The following UGT1A7 variants were observed in gnomAD, a reference collection of about 807,000 sequenced individuals.
The protein encoded by UGT1A7 is UDP glucuronosyltransferase family 1 member A7, also known as UDP-glucuronosyltransferase 1A7.
In UGT1A7, 33 loss-of-function variants were observed where a neutral mutation model predicts 45.6. The observed-to-expected ratio is 0.72, with a 90% confidence interval of 0.55 to 0.97. UGT1A7 has a LOEUF of 0.97. Ranked by LOEUF, UGT1A7 falls within the 50% of genes least tolerant of loss-of-function variation. The pLI is 0.00. For synonymous variants in UGT1A7, 274 were observed against 250.6 expected (o/e 1.09, Z -0.88); for missense variants, 684 against 666.2 (o/e 1.03, Z -0.29).
At chr2:233,747,990 G>C in intron 1 of UGT1A7, 1 of 1,613,472 alleles carries the variant, frequency 6.2e-7, no homozygotes, top group Non-Finnish European at 8.5e-7. Flanking sequence ...GTTCCGAGGG[G>C]ACTTTGTGAT....
intron 4 of UGT1A7, among the ~76,000 whole-genome samples, chr2:233,768,830 T>G (rs1378078075): frequency 6.6e-6 from 1 of 152,106 alleles, no homozygotes; most frequent in Non-Finnish European, 1.5e-5. Flanking sequence ...GTGATCCACC[T>G]GCCTCGGCCT....
rs28900377 is a variant in UGT1A7 at position 233,743,611 on chromosome 2, C to T, written c.856-23423C>T. The T allele has an allele frequency of 3.6e-3, 4,908 of 1,367,342 alleles. 268 individuals are homozygous for T. The African/African-American group carries it at 0.064, about 18-fold the overall frequency. The allele number at this position is 1,367,342 out of a possible 1,614,324, so 84.7% of individuals were successfully genotyped here. The stretch of plus-strand genomic sequence containing the variant: ...AGAATGGGTCCTGGCCGCCGAAGAA[C>T]TCCCTGAAGACGTCGGCTGGGTCGC... On this transcript the variant is annotated intron_variant, in intron 1 of 4. Transcript: ENST00000373426.
intron 1 of UGT1A7, chr2:233,743,573 A>C (rs765598613): frequency 7.3e-7 from 1 of 1,367,260 alleles, no homozygotes; most frequent in Non-Finnish European, 9.8e-7. Context: ...CGGGTTTCCC[A>C]AGAGGTCAAA....
chr2:233,748,180 G>T (rs1460619178), intron 1 of UGT1A7: 22 of 1,578,250 alleles, frequency 1.4e-5, no homozygotes, highest in Non-Finnish European at 1.9e-5. Flanking sequence ...TCTTTCTGGT[G>T]CTTTTATTTC....
At chr2:233,764,025 G>T (rs1387179659) in intron 1 of UGT1A7, among the ~76,000 whole-genome samples, 1 of 152,188 alleles carries the variant, frequency 6.6e-6, no homozygotes, top group Non-Finnish European at 1.5e-5. Flanking sequence ...TGGTGTCTAA[G>T]TGCTAAAGAA....
At chr2:233,726,664 T>G (rs2077549930) in intron 1 of UGT1A7, among the ~76,000 whole-genome samples, 1 of 152,168 alleles carries the variant, frequency 6.6e-6, no homozygotes, top group South Asian at 2.1e-4. Flanking sequence ...TTTAATCATA[T>G]CTGTGAAGTC....
chr2:233,747,362 G>A, intron 1 of UGT1A7: 1 of 1,603,780 alleles, frequency 6.2e-7, no homozygotes, highest in Non-Finnish European at 8.5e-7. Flanking sequence ...CCGTGCGGGA[G>A]CTCCATGCCA....
chr2:233,698,597 G>A (rs966031058), intron 1 of UGT1A7, among the ~76,000 whole-genome samples: 17 of 152,070 alleles, frequency 1.1e-4, no homozygotes, highest in African/African-American at 3.1e-4. Context: ...CAAGAAATTC[G>A]GATTAATAAA....
chr2:233,709,023 G>A (rs1369386629), intron 1 of UGT1A7, among the ~76,000 whole-genome samples: 2 of 152,070 alleles, frequency 1.3e-5, no homozygotes, highest in Non-Finnish European at 1.5e-5. Context: ...CCAAGCAGCA[G>A]GGGCTTCAGC....
intron 1 of UGT1A7, among the ~76,000 whole-genome samples, chr2:233,698,020 CA>C (rs1249680448): frequency 6.6e-6 from 1 of 151,888 alleles, no homozygotes; most frequent in African/African-American, 2.4e-5. Context: ...ACATTGGTAC[CA>C]ATTATCTTAT....
Position 233,712,920 on chromosome 2 carries a change from T to C in UGT1A7, c.855+30128T>C. ...GCTAGGTGTCTCAGTGACAAGGTAA[T>C]TAAGACGAAGGAAACAATTCTAGGA... On this transcript the variant is annotated intron_variant, in intron 1 of 4. Transcript: ENST00000373426. 3 of 1,611,826 alleles carry C rather than the reference T, an allele frequency of 1.9e-6. No individual in the cohort carries two copies. The South Asian group carries it at 3.3e-5, about 18-fold the overall frequency.
At chr2:233,751,615 T>C (rs531404071) in intron 1 of UGT1A7, among the ~76,000 whole-genome samples, 1 of 152,176 alleles carries the variant, frequency 6.6e-6, no homozygotes, top group Non-Finnish European at 1.5e-5. Flanking sequence ...TGGGAGGTGA[T>C]TGGATCATGT....
At chr2:233,716,532 T>G (rs570808128) in intron 1 of UGT1A7, among the ~76,000 whole-genome samples, 3 of 152,316 alleles carry the variant, frequency 2.0e-5, no homozygotes, top group African/African-American at 7.2e-5. Flanking sequence ...TTCAATTATC[T>G]CCTTTCTCTC....
Position 233,772,514 on chromosome 2 carries a change from GA to G in UGT1A7, c.1554del (p.Arg520GlufsTer22). ...CAYGYRKCLG[K>X]KGRVKKAHKS... ...CTTATGGCTACCGGAAATGCTTGGGGAAAAAAGGGCGAGTTAAGAAAGCCCA... is the reference window on the plus strand; with the variant it reads ...CTTATGGCTACCGGAAATGCTTGGGGAAAAAGGGCGAGTTAAGAAAGCCCA... On this transcript the variant is annotated frameshift_variant, in exon 5 of 5. Coordinates refer to ENST00000373426, the MANE Select transcript of UGT1A7 (RefSeq NM_019077.3). LOFTEE classifies it high-confidence loss of function. 6.2e-7 allele frequency: 1 copy of G among 1,614,126 alleles called. No individual in the cohort carries two copies. Among genetic ancestry groups the G allele is most frequent in the Non-Finnish European group, 8.5e-7 (1 of 1,180,014 alleles).
intron 1 of UGT1A7, among the ~76,000 whole-genome samples, chr2:233,703,747 C>A (rs2075751408): frequency 6.6e-6 from 1 of 151,954 alleles, no homozygotes. Context: ...TTTTAAATCT[C>A]AAATGTATCT....
intron 1 of UGT1A7, among the ~76,000 whole-genome samples, chr2:233,684,354 T>C (rs1407192831): frequency 5.9e-5 from 9 of 152,156 alleles, no homozygotes; most frequent in African/African-American, 1.9e-4. Flanking sequence ...TGTCAAAGTG[T>C]CTCTCCCCTG....
intron 1 of UGT1A7, chr2:233,729,211 G>A (rs1212388025): frequency 6.2e-7 from 1 of 1,613,958 alleles, no homozygotes; most frequent in African/African-American, 1.3e-5. Flanking sequence ...GGCTGAGAGT[G>A]GAAAGGTGTT....
rs950932071 is a variant in UGT1A7 at position 233,766,252 on chromosome 2, CGCTCAGTGGCCCGG to C, written c.856-777_856-764del. ...GGAAGGGTTTCCCCTGGAGTCAGAC[CGCTCAGTGGCCCGG>C]GCTCGGTGGCCCGGGCTCGGTGGCC... On this transcript the variant is annotated intron_variant, in intron 1 of 4. Coordinates refer to ENST00000373426, the MANE Select transcript of UGT1A7 (RefSeq NM_019077.3). 1.1e-4 allele frequency among the ~76,000 whole-genome samples: 17 copies of C among 151,626 alleles called. 1 individual carries two copies. The highest frequency in any genetic ancestry group is 3.4e-4 in the African/African-American group (14 of 41,194).
At chr2:233,767,722 A>T (rs1699460301) in intron 2 of UGT1A7, 127 bp from the exon 3 acceptor site, 6 of 1,548,124 alleles carry the variant, frequency 3.9e-6, no homozygotes, top group Middle Eastern at 3.4e-4. Flanking sequence ...CTTCACAGTT[A>T]CTGATCCTCC....
Sources: allele counts gnomAD v4.1 joint callset (sites outside exome capture counted in the v4.1 genomes callset), GRCh38; gene constraint gnomAD v4.1.1; transcripts MANE v1.5; gene names NCBI Gene and HGNC (gene_info 2026-07-23, HGNC 2026-07-21).